Variants in LRRC7 observed in about 807,000 individuals in gnomAD.
LRRC7 encodes the protein leucine-rich repeat-containing protein 7.
A neutral mutation model predicts 175.7 loss-of-function variants in LRRC7; 23 were observed. The ratio of observed to expected loss-of-function variants is 0.13; its 90% CI spans 0.09 to 0.19. LRRC7 has a LOEUF of 0.19. LRRC7 is among the 10% of genes least tolerant of loss of function. LRRC7 has a pLI of 1.00. For missense variants in LRRC7, 1,354 were observed against 1,904.7 expected, an observed-to-expected ratio of 0.71 and a Z score of 5.38; for synonymous variants, 685 against 680.9, an observed-to-expected ratio of 1.01 and a Z score of -0.09.
In LRRC7 at chr1:69,588,254, G is replaced by C. The variant is rs539958032; in HGVS notation, c.2+19613G>C. 1.1e-4 allele frequency among the ~76,000 whole-genome samples: 17 copies of C among 152,198 alleles called. 1 individual carries two copies. In the South Asian group the frequency reaches 1.5e-3, roughly 13 times the overall value. On this transcript the variant is annotated intron_variant, in intron 1 of 26. Coordinates refer to ENST00000651989, the MANE Select transcript of LRRC7 (RefSeq NM_001370785.2). ...TGTTGATGTGTCTCTTTTTCAGTAA[G>C]ATGACCATTATTTTATCAGAAATGG...
At chr1:69,961,094 GC>G (rs766360521) in intron 8 of LRRC7, among the ~76,000 whole-genome samples, 1 of 152,126 alleles carries the variant, frequency 6.6e-6, no homozygotes, top group South Asian at 2.1e-4. Flanking sequence ...CATTGTCTCA[GC>G]CCAAAAACTT....
intron 1 of LRRC7, among the ~76,000 whole-genome samples, chr1:69,629,313 T>C (rs1158718708): frequency 6.6e-6 from 1 of 152,184 alleles, no homozygotes; most frequent in African/African-American, 2.4e-5. Context: ...CAGATACCAC[T>C]TTGGCAACTT....
intron 25 of LRRC7, 106 bp downstream of exon 25, chr1:70,089,925 C>G (rs1441478572): frequency 1.3e-6 from 1 of 775,456 alleles, no homozygotes; most frequent in African/African-American, 1.8e-5. Context: ...TTTTCATGAG[C>G]TAGTTAGTAA....
At chr1:69,683,406 C>T (rs1660740719) in intron 2 of LRRC7, among the ~76,000 whole-genome samples, 1 of 152,056 alleles carries the variant, frequency 6.6e-6, no homozygotes, top group Non-Finnish European at 1.5e-5. Context: ...TTTTCCATTG[C>T]TCATTCAAGA....
chr1:69,738,044 C>T (rs1668307499), intron 2 of LRRC7, among the ~76,000 whole-genome samples: 1 of 152,000 alleles, frequency 6.6e-6, no homozygotes, highest in Non-Finnish European at 1.5e-5. Context: ...GCAGAAACGG[C>T]TTAATCTTAT....
chr1:70,003,872 G>T (rs1454021049), intron 11 of LRRC7, among the ~76,000 whole-genome samples: 5 of 151,826 alleles, frequency 3.3e-5, no homozygotes, highest in Non-Finnish European at 7.4e-5. Context: ...CTTTGCTAAT[G>T]AATGAAGCTA....
intron 2 of LRRC7, among the ~76,000 whole-genome samples, chr1:69,744,071 G>GA (rs572611911): frequency 4.8e-4 from 73 of 150,964 alleles, no homozygotes; most frequent in African/African-American, 1.5e-3. Flanking sequence ...GAGGCAAGCA[G>GA]AAAAAAAATA....
At chr1:69,858,958 G>A (rs940827278) in intron 7 of LRRC7, among the ~76,000 whole-genome samples, 4 of 152,132 alleles carry the variant, frequency 2.6e-5, no homozygotes, top group South Asian at 2.1e-4. Context: ...AAATATATAC[G>A]AACTCAACAG....
chr1:69,595,428 AAAAC>A (rs893635139), intron 1 of LRRC7, among the ~76,000 whole-genome samples: 26 of 152,290 alleles, frequency 1.7e-4, no homozygotes, highest in African/African-American at 4.8e-4. Context: ...AAACAAACAA[AAAAC>A]AAACAAACAA....
rs1239763299 is a variant in LRRC7, at chr1:70,139,129, T to C, written c.*17242T>C. Reference sequence around the variant, plus strand: ...CCTAAAAGTCACTAGAATATTGATATAAGGAATTCTGTGTCAGCAGTATCT... The same window carrying C: ...CCTAAAAGTCACTAGAATATTGATACAAGGAATTCTGTGTCAGCAGTATCT... On this transcript the variant is annotated 3_prime_UTR_variant, in exon 27 of 27. Coordinates refer to ENST00000651989, the MANE Select transcript of LRRC7 (RefSeq NM_001370785.2). 2.0e-5 allele frequency: 3 copies of C among 152,172 alleles called. 1 individual carries two copies. Among genetic ancestry groups the C allele is most frequent in the South Asian group, 4.1e-4 (2 of 4,826 alleles). 9.4% of individuals were successfully genotyped at this position (152,172 alleles called of 1,614,324 possible).
intron 23 of LRRC7, 88 bp from the exon 24 acceptor site, chr1:70,075,989 C>G: frequency 7.2e-7 from 1 of 1,389,694 alleles, no homozygotes; most frequent in African/African-American, 1.4e-5. Context: ...TGCCGCTTTA[C>G]CAGAGAGGTA....
intron 8 of LRRC7, among the ~76,000 whole-genome samples, chr1:69,939,085 A>G (rs1189286522): frequency 6.8e-6 from 1 of 147,906 alleles, no homozygotes; most frequent in Non-Finnish European, 1.5e-5. Context: ...TAATACATCA[A>G]AAGAAACTTG....
intron 9 of LRRC7, among the ~76,000 whole-genome samples, chr1:69,984,204 G>A (rs765724965): frequency 9.9e-5 from 15 of 152,110 alleles, no homozygotes; most frequent in African/African-American, 2.4e-4. Context: ...GATTACAGGC[G>A]TGAGCCACCG....
chr1:69,687,434 C>T (rs1306455959), intron 2 of LRRC7, among the ~76,000 whole-genome samples: 6 of 141,330 alleles, frequency 4.2e-5, no homozygotes, highest in African/African-American at 1.0e-4. Flanking sequence ...CACTTGAGCC[C>T]GGGAGGCGGA....
At chr1:69,750,093 T>TAAATAAATAAATAATAAATAAATAATA (rs139997047) in intron 2 of LRRC7, among the ~76,000 whole-genome samples, 1 of 142,202 alleles carries the variant, frequency 7.0e-6, no homozygotes, top group Non-Finnish European at 1.5e-5. Context: ...AATAAATAAA[T>TAAATAAATAAATAATAAATAAATAATA]AATAATAACT....
intron 26 of LRRC7, 48 bp downstream of exon 26, chr1:70,107,874 A>G: frequency 7.2e-7 from 1 of 1,381,556 alleles, no homozygotes; most frequent in Non-Finnish European, 1.0e-6. Flanking sequence ...TGAGACAAAT[A>G]TGTAACCATG....
chr1:69,889,059 A>G (rs1267952112), intron 7 of LRRC7, among the ~76,000 whole-genome samples: 2 of 152,232 alleles, frequency 1.3e-5, no homozygotes, highest in Admixed American at 6.5e-5. Flanking sequence ...TATGTCTTTA[A>G]AAACAATATA....
intron 7 of LRRC7, among the ~76,000 whole-genome samples, chr1:69,918,720 G>A (rs1295518752): frequency 6.6e-6 from 1 of 152,080 alleles, no homozygotes; most frequent in Non-Finnish European, 1.5e-5. Flanking sequence ...TTCAAAAGTG[G>A]AAAATGTAGT....
intron 1 of LRRC7, among the ~76,000 whole-genome samples, chr1:69,625,056 T>C (rs1651259640): frequency 1.3e-5 from 2 of 152,124 alleles, no homozygotes; most frequent in Admixed American, 6.5e-5. Context: ...AGAAAATTTG[T>C]ATAAGGCTGG....
Sources: allele counts gnomAD v4.1 joint callset (sites outside exome capture counted in the v4.1 genomes callset), GRCh38; gene constraint gnomAD v4.1.1; transcripts MANE v1.5; gene names NCBI Gene and HGNC (gene_info 2026-07-23, HGNC 2026-07-21).